TJP2: variants seen among roughly 807,000 people sequenced by gnomAD.
The protein encoded by TJP2 is Friedreich ataxia region gene X104 (tight junction protein ZO-2).
Under a neutral mutation model 133.1 loss-of-function variants are expected in TJP2, and 91 were observed. That is an observed-to-expected ratio of 0.68 (90% CI 0.58 to 0.81). The LOEUF is 0.81. Among genes scored for constraint, TJP2 ranks in the 40% least tolerant of loss-of-function variants. The probability of loss-of-function intolerance (pLI) is 0.00; values close to 1 mark genes in which losing one functional copy is unlikely to be tolerated. For missense variants in TJP2, 1,541 were observed against 1,565.6 expected (o/e 0.98, Z 0.26); for synonymous variants, 592 against 583.4 (o/e 1.01, Z -0.21).
intron 1 of TJP2, chr9:69,122,298 G>A (rs1269207850): frequency 6.6e-6 from 1 of 152,328 alleles, no homozygotes; most frequent in Admixed American, 6.5e-5. Flanking sequence ...CGCGGCGCTG[G>A]TTATTGGAAG....
chr9:69,254,284 CGAG>C lies in TJP2; in HGVS notation c.3493_3495del (p.Glu1165del), dbSNP rs746080083. On this transcript the variant is annotated inframe_deletion, in exon 23 of 23. Coordinates refer to ENST00000377245, the MANE Select transcript of TJP2 (RefSeq NM_004817.4). Reference sequence around the variant, plus strand: ...CCAGAGGAAGTTATGGCAGTGATGCCGAGGAGGAGGAGTACCGCCAGCAGCTGT... The same window carrying C: ...CCAGAGGAAGTTATGGCAGTGATGCCGAGGAGGAGTACCGCCAGCAGCTGT... 6.2e-7 allele frequency: 1 copy of C among 1,614,212 alleles called. No homozygotes were observed. Among genetic ancestry groups the C allele is most frequent in the South Asian group, 1.1e-5 (1 of 91,086 alleles).
At chr9:69,197,356 A>G (rs1826660099) in intron 1 of TJP2, among the ~76,000 whole-genome samples, 1 of 152,116 alleles carries the variant, frequency 6.6e-6, no homozygotes, top group African/African-American at 2.4e-5. Context: ...GATATACCAC[A>G]TTTCGTTTAT....
At chr9:69,233,838 A>G (rs1031444661) in intron 11 of TJP2, among the ~76,000 whole-genome samples, 4 of 152,076 alleles carry the variant, frequency 2.6e-5, no homozygotes, top group African/African-American at 7.2e-5. Context: ...CTACATTTCA[A>G]TTTTACTTGC....
chr9:69,249,194 A>G (rs1250808446), intron 19 of TJP2, 181 bp from the exon 20 acceptor site: 18 of 985,338 alleles, frequency 1.8e-5, no homozygotes, highest in Non-Finnish European at 2.2e-5. Context: ...GGATGCAGCC[A>G]GTTTTTAAAA....
intron 2 of TJP2, among the ~76,000 whole-genome samples, chr9:69,168,794 CTG>C (rs1824504262): frequency 2.2e-5 from 2 of 89,656 alleles, no homozygotes; most frequent in Admixed American, 1.4e-4. Flanking sequence ...AAGCGCGAAA[CTG>C]TCTCAAAAAA....
chr9:69,253,696 C>T (rs141691330), intron 22 of TJP2: 2,508 of 192,208 alleles, frequency 0.013, 25 homozygotes, highest in Middle Eastern at 0.032. Flanking sequence ...CCGCCCGCCT[C>T]GGCCTCCCAA....
At chr9:69,247,171 A>G (rs1830985537) in intron 18 of TJP2, among the ~76,000 whole-genome samples, 1 of 152,266 alleles carries the variant, frequency 6.6e-6, no homozygotes, top group African/African-American at 2.4e-5. Flanking sequence ...AAACATTAAT[A>G]AAAAGAAAAG....
At chr9:69,221,918 C>A (rs1828904135) in intron 5 of TJP2, among the ~76,000 whole-genome samples, 1 of 141,464 alleles carries the variant, frequency 7.1e-6, no homozygotes, top group Admixed American at 7.4e-5. Context: ...GTTGCCCAGG[C>A]TGGAGTGCAG....
chr9:69,145,891 G>A, intron 1 of TJP2: 1 of 899,166 alleles, frequency 1.1e-6, no homozygotes, highest in Non-Finnish European at 1.5e-6. Flanking sequence ...GACCCATATA[G>A]AAAAAAGGGT....
chr9:69,225,191 C>A, intron 5 of TJP2, 113 bp from the exon 6 acceptor site: 1 of 716,724 alleles, frequency 1.4e-6, no homozygotes, highest in Non-Finnish European at 2.4e-6. Context: ...TACAGAATTT[C>A]CCATATACAA....
At chr9:69,213,502 G>A (rs1182954673) in intron 2 of TJP2, among the ~76,000 whole-genome samples, 1 of 152,178 alleles carries the variant, frequency 6.6e-6, no homozygotes, top group African/African-American at 2.4e-5. Flanking sequence ...TTCCTCATAG[G>A]AAGAGTTTTC....
At position 69,221,188 on chromosome 9, in the gene TJP2, G is replaced by A. The variant is rs201977617; in HGVS notation, c.644G>A (p.Arg215His). 5.8e-4 allele frequency: 921 copies of A among 1,599,618 alleles called. 9 individuals carry two copies. The African/African-American group carries it at 0.011, about 19-fold the overall frequency. The change falls in exon 5 of 23, where the codon CGC becomes CAC. Residue 215 changes from arginine to histidine, a missense_variant. Physicochemically the swap from Arg to His is conservative, Grantham distance 29. Coordinates refer to ENST00000377245, the MANE Select transcript of TJP2 (RefSeq NM_004817.4). ...CAAGACCATGCGCGCACCCGAGACCGCAGCCGTGGCCGGAGCCTGGAGCGG... is the reference window on the plus strand; with the variant it reads ...CAAGACCATGCGCGCACCCGAGACCACAGCCGTGGCCGGAGCCTGGAGCGG... ...LDQDHARTRD[R>H]SRGRSLERGL...
chr9:69,250,047 ACT>A (rs1831216241), intron 20 of TJP2, among the ~76,000 whole-genome samples: 1 of 152,220 alleles, frequency 6.6e-6, no homozygotes, highest in African/African-American at 2.4e-5. Context: ...CAGAGCTGTG[ACT>A]CTATGTTTTT....
At chr9:69,130,880 A>AC (rs1564367401) in intron 1 of TJP2, among the ~76,000 whole-genome samples, 1 of 152,122 alleles carries the variant, frequency 6.6e-6, no homozygotes, top group African/African-American at 2.4e-5. Flanking sequence ...GAGAGTGAGG[A>AC]CATGTATGGG....
chr9:69,211,441 G>C (rs975301941), intron 1 of TJP2, among the ~76,000 whole-genome samples: 2 of 152,208 alleles, frequency 1.3e-5, no homozygotes, highest in African/African-American at 4.8e-5. Context: ...TGATTCTTCA[G>C]TTTATGTTTC....
chr9:69,136,563 G>A lies in TJP2; in HGVS notation c.-131+14838G>A, dbSNP rs368527689. Among the ~76,000 whole-genome samples the A allele has an allele frequency of 5.9e-5, 9 of 152,278 alleles. No individual in the cohort carries two copies. In the South Asian group the frequency reaches 1.0e-3, roughly 18 times the overall value. ...TTTTTAGCTAAAAATAAATGTAGAT[G>A]ATTTGGAAATATTTTACAGGAAAAT... On this transcript the variant is annotated intron_variant, in intron 1 of 5. Coordinates refer to the TJP2 transcript ENST00000423935.
intron 1 of TJP2, among the ~76,000 whole-genome samples, chr9:69,148,659 C>A (rs946822633): frequency 1.3e-5 from 2 of 152,066 alleles, no homozygotes; most frequent in African/African-American, 4.8e-5. Context: ...CATGAGCCAC[C>A]GCCCCCCTCT....
At chr9:69,234,398 C>CTTTCTTTCTTTCTTTCT (rs1480633829) in intron 11 of TJP2, 41 bp from the exon 12 acceptor site, 8 of 982,912 alleles carry the variant, frequency 8.1e-6, no homozygotes, top group African/African-American at 5.8e-5. Flanking sequence ...TTCTTTCTTT[C>CTTTCTTTCTTTCTTTCT]TTTTTTTTTT....
intron 1 of TJP2, among the ~76,000 whole-genome samples, chr9:69,126,215 C>T (rs1281554614): frequency 1.3e-5 from 1 of 77,068 alleles, no homozygotes; most frequent in African/African-American, 4.0e-5. Context: ...TTTGGAACAT[C>T]AGGTACTGTG....
Sources: gnomAD v4.1 joint callset for allele counts (sites outside exome capture counted in the v4.1 genomes callset) on GRCh38, gnomAD v4.1.1 for gene constraint, MANE v1.5 for transcripts, NCBI Gene and HGNC (gene_info 2026-07-23, HGNC 2026-07-21) for gene names.